Variants in PI4KA observed in about 807,000 individuals in gnomAD.
PI4KA encodes the protein phosphatidylinositol 4-kinase alpha, also known as PI4-kinase alpha.
In PI4KA, 122 loss-of-function variants were observed where a neutral mutation model predicts 271.4. The ratio of observed to expected loss-of-function variants is 0.45; its 90% CI spans 0.39 to 0.52. The LOEUF (loss-of-function observed/expected upper bound fraction) is 0.52, where lower values mean the gene tolerates loss of function less well. Ranked by LOEUF, PI4KA falls within the 20% of genes least tolerant of loss-of-function variation. PI4KA has a pLI of 0.00. For missense variants in PI4KA, 1,969 were observed against 2,769.1 expected, an observed-to-expected ratio of 0.71 and a Z score of 6.48; for synonymous variants, 1,041 against 1,078.8, an observed-to-expected ratio of 0.96 and a Z score of 0.69.
chr22:20,780,457 A>G (rs1268133476), intron 19 of PI4KA, among the ~76,000 whole-genome samples: 2 of 152,292 alleles, frequency 1.3e-5, no homozygotes, highest in East Asian at 3.9e-4. Context: ...TTTACAGAGG[A>G]AGCCACCAAC....
At position 20,764,802 on chromosome 22, in the gene PI4KA, T is replaced by C; in HGVS notation, c.2708+15A>G. 1.2e-6 allele frequency: 2 copies of C among 1,600,552 alleles called. No individual in the cohort carries two copies. The highest frequency in any genetic ancestry group is 1.7e-6 in the Non-Finnish European group (2 of 1,172,144). On this transcript the variant is annotated intron_variant, in intron 22 of 54. Transcript: ENST00000255882. ...ATGTGGATGTGCATGTGCATGGTGG[T>C]GAAGGCACGTGTACCTCATGTACTC...
chr22:20,830,728 T>C (rs1183607208), intron 3 of PI4KA, among the ~76,000 whole-genome samples: 6 of 152,192 alleles, frequency 3.9e-5, no homozygotes, highest in Admixed American at 6.5e-5. Context: ...GGTTGCTTTA[T>C]AGTGTCACTA....
At chr22:20,856,515 A>G (rs1320619907) in intron 1 of PI4KA, among the ~76,000 whole-genome samples, 1 of 148,652 alleles carries the variant, frequency 6.7e-6, no homozygotes, top group Non-Finnish European at 1.5e-5. Context: ...GCTCACTGCA[A>G]CCTCTGCCTC....
intron 1 of PI4KA, among the ~76,000 whole-genome samples, chr22:20,851,271 A>G (rs1361756863): frequency 1.3e-5 from 2 of 152,012 alleles, no homozygotes; most frequent in Non-Finnish European, 2.9e-5. Flanking sequence ...CAAACCCCCA[A>G]AGATTTATCA....
At chr22:20,775,356 C>T (rs1232401171) in intron 19 of PI4KA, among the ~76,000 whole-genome samples, 2 of 152,318 alleles carry the variant, frequency 1.3e-5, no homozygotes, top group African/African-American at 2.4e-5. Flanking sequence ...GATTTACCTT[C>T]AGATCTTTAA....
intron 27 of PI4KA, 149 bp downstream of exon 27, chr22:20,751,144 G>C (rs943825210): frequency 3.2e-6 from 2 of 617,672 alleles, no homozygotes; most frequent in South Asian, 2.1e-5. Context: ...GCAATGGCTT[G>C]GTCTCCTCAC....
intron 5 of PI4KA, 85 bp downstream of exon 5, chr22:20,820,454 A>T (rs948811715): frequency 2.6e-5 from 23 of 875,772 alleles, no homozygotes; most frequent in African/African-American, 2.2e-4. Flanking sequence ...TATATTAGGT[A>T]CCCAACAACA....
intron 19 of PI4KA, among the ~76,000 whole-genome samples, chr22:20,776,288 C>T (rs899675196): frequency 6.6e-6 from 1 of 152,132 alleles, no homozygotes; most frequent in African/African-American, 2.4e-5. Flanking sequence ...TGTGCCACTG[C>T]ACTCCAGCCT....
At chr22:20,830,101 T>A (rs1923954582) in intron 3 of PI4KA, among the ~76,000 whole-genome samples, 2 of 152,216 alleles carry the variant, frequency 1.3e-5, no homozygotes, top group South Asian at 4.1e-4. Context: ...ATGAGAAGAA[T>A]GTATATTCTG....
intron 1 of PI4KA, among the ~76,000 whole-genome samples, chr22:20,839,082 T>C (rs186711031): frequency 1.3e-5 from 2 of 152,278 alleles, no homozygotes; most frequent in Non-Finnish European, 2.9e-5. Context: ...CCAGGCGTGG[T>C]GGCGCACACC....
Position 20,790,301 on chromosome 22 carries a change from A to C in PI4KA, c.2328+2892T>G, listed in dbSNP as rs1273416311. ...TCCATTCAACAGAGTAATCTGAGAC[A>C]CTGTGTCATCAAAGGTCACAGAATA... is the stretch of plus-strand genomic sequence containing the variant. On this transcript the variant is annotated intron_variant, in intron 19 of 54. Coordinates refer to ENST00000255882, the MANE Select transcript of PI4KA (RefSeq NM_058004.4). Among the ~76,000 whole-genome samples the C allele has an allele frequency of 2.6e-5, 4 of 152,148 alleles. 1 individual carries two copies. The highest frequency in any genetic ancestry group is 5.9e-5 in the Non-Finnish European group (4 of 68,026).
intron 20 of PI4KA, 88 bp from the exon 21 acceptor site, chr22:20,765,324 C>T: frequency 7.4e-7 from 1 of 1,348,124 alleles, no homozygotes; most frequent in Non-Finnish European, 1.0e-6. Context: ...AGTCATGGGT[C>T]CTTTGAGACA....
At chr22:20,768,557 CTCT>C (rs1346243821) in intron 19 of PI4KA, among the ~76,000 whole-genome samples, 1 of 152,188 alleles carries the variant, frequency 6.6e-6, no homozygotes, top group Non-Finnish European at 1.5e-5. Flanking sequence ...AGGGATTTCA[CTCT>C]TCTTCTTTAA....
At chr22:20,790,743 A>AC (rs1934593459) in intron 19 of PI4KA, among the ~76,000 whole-genome samples, 3 of 145,734 alleles carry the variant, frequency 2.1e-5, no homozygotes, top group Non-Finnish European at 3.1e-5. Context: ...CACACACACA[A>AC]CAAAAAAAAC....
At chr22:20,718,218 T>C (rs1241907395) in intron 44 of PI4KA, among the ~76,000 whole-genome samples, 4 of 152,218 alleles carry the variant, frequency 2.6e-5, no homozygotes, top group Non-Finnish European at 5.9e-5. Flanking sequence ...CCAGCATTGA[T>C]GACTCCAGGG....
chr22:20,780,095 A>C (rs1357056960), intron 19 of PI4KA: 3 of 1,614,054 alleles, frequency 1.9e-6, no homozygotes. Context: ...TCATATCAAA[A>C]ACCAACAACC....
intron 36 of PI4KA, among the ~76,000 whole-genome samples, chr22:20,731,570 C>T (rs559224097): frequency 4.0e-5 from 6 of 151,736 alleles, no homozygotes; most frequent in African/African-American, 9.7e-5. Flanking sequence ...CTGAGGCGGG[C>T]GGATCAGAAG....
At chr22:20,718,377 G>GA (rs1926278235) in intron 44 of PI4KA, among the ~76,000 whole-genome samples, 1 of 152,246 alleles carries the variant, frequency 6.6e-6, no homozygotes, top group Non-Finnish European at 1.5e-5. Context: ...AAAGTGTGGA[G>GA]AGGGCAGGGT....
intron 1 of PI4KA, among the ~76,000 whole-genome samples, chr22:20,840,647 T>C (rs1256984509): frequency 1.3e-5 from 2 of 152,068 alleles, no homozygotes; most frequent in African/African-American, 4.8e-5. Context: ...AGGATGTGTT[T>C]TGAAGGAAGA....
Sources: allele counts gnomAD v4.1 joint callset (sites outside exome capture counted in the v4.1 genomes callset), GRCh38; gene constraint gnomAD v4.1.1; transcripts MANE v1.5; gene names NCBI Gene and HGNC (gene_info 2026-07-23, HGNC 2026-07-21).